KCNT2: variants seen among roughly 807,000 people sequenced by gnomAD.
KCNT2 encodes potassium sodium-activated channel subfamily T member 2.
A neutral mutation model predicts 153.8 loss-of-function variants in KCNT2; 67 were observed. That is an observed-to-expected ratio of 0.44 (90% CI 0.36 to 0.53). KCNT2 has a LOEUF of 0.53. Among genes scored for constraint, KCNT2 ranks in the 20% least tolerant of loss-of-function variants. KCNT2 has a pLI of 0.00. For synonymous variants in KCNT2, 500 were observed against 458.8 expected (o/e 1.09, Z -1.15); for missense variants, 975 against 1,354.8 (o/e 0.72, Z 4.40).
chr1:196,264,381 T>C (rs527523645), intron 25 of KCNT2, among the ~76,000 whole-genome samples: 1 of 152,242 alleles, frequency 6.6e-6, no homozygotes, highest in Admixed American at 6.5e-5. Flanking sequence ...GTATATACAT[T>C]ACTTCCTGAG....
At chr1:196,298,960 C>T (rs1660926509) in intron 22 of KCNT2, among the ~76,000 whole-genome samples, 1 of 151,614 alleles carries the variant, frequency 6.6e-6, no homozygotes, top group Non-Finnish European at 1.5e-5. Flanking sequence ...TTGCTTCTTA[C>T]ATCAGGTGTA....
chr1:196,570,461 T>A (rs1660649207), intron 1 of KCNT2, among the ~76,000 whole-genome samples: 1 of 152,102 alleles, frequency 6.6e-6, no homozygotes, highest in Admixed American at 6.6e-5. Flanking sequence ...GGGAACCTCA[T>A]CCCAACACTT....
intron 14 of KCNT2, among the ~76,000 whole-genome samples, chr1:196,362,631 A>G (rs1258221313): frequency 6.6e-6 from 1 of 152,082 alleles, no homozygotes; most frequent in East Asian, 1.9e-4. Flanking sequence ...GCTGAGGGAA[A>G]TCCTCCAGTC....
chr1:196,572,862 A>G, intron 1 of KCNT2, among the ~76,000 whole-genome samples: 1 of 152,176 alleles, frequency 6.6e-6, no homozygotes, highest in South Asian at 2.1e-4. Flanking sequence ...TTGTTTCTTG[A>G]TGCATGATGA....
chr1:196,408,154 C>A (rs776557902), intron 12 of KCNT2, among the ~76,000 whole-genome samples: 45 of 151,536 alleles, frequency 3.0e-4, no homozygotes, highest in Admixed American at 1.4e-3. Flanking sequence ...GAAAAATCAA[C>A]TTCCACAAGC....
intron 1 of KCNT2, among the ~76,000 whole-genome samples, chr1:196,565,176 A>G (rs1214582422): frequency 6.6e-6 from 1 of 151,918 alleles, no homozygotes. Context: ...TAAATGGCCA[A>G]TAGATATATG....
At chr1:196,603,579 G>T (rs972081754) in intron 1 of KCNT2, among the ~76,000 whole-genome samples, 1 of 152,138 alleles carries the variant, frequency 6.6e-6, no homozygotes, top group Non-Finnish European at 1.5e-5. Context: ...CTCTTAAACT[G>T]TTAATGGATT....
chr1:196,453,675 G>A (rs1485632757), intron 8 of KCNT2, among the ~76,000 whole-genome samples: 2 of 151,866 alleles, frequency 1.3e-5, no homozygotes, highest in Non-Finnish European at 2.9e-5. Flanking sequence ...CATCCAATGG[G>A]GGGATAATTC....
intron 1 of KCNT2, among the ~76,000 whole-genome samples, chr1:196,529,188 C>T (rs907246713): frequency 6.6e-6 from 1 of 151,866 alleles, no homozygotes; most frequent in African/African-American, 2.4e-5. Context: ...GAGAGTTTTC[C>T]GAAATGTGTG....
chr1:196,493,547 G>A (rs1680020401), intron 1 of KCNT2, among the ~76,000 whole-genome samples: 1 of 151,860 alleles, frequency 6.6e-6, no homozygotes, highest in African/African-American at 2.4e-5. Context: ...AAAGCAACAG[G>A]GCATTTTTTT....
intron 1 of KCNT2, among the ~76,000 whole-genome samples, chr1:196,546,665 A>G (rs1657141757): frequency 6.6e-6 from 1 of 152,096 alleles, no homozygotes; most frequent in Non-Finnish European, 1.5e-5. Flanking sequence ...AGTTGTTACA[A>G]AACCTATTCT....
At chr1:196,455,682 T>A (rs1016021464) in intron 8 of KCNT2, among the ~76,000 whole-genome samples, 4 of 152,016 alleles carry the variant, frequency 2.6e-5, no homozygotes, top group African/African-American at 9.7e-5. Flanking sequence ...CTATCTAGAT[T>A]ATTATTTGTT....
At chr1:196,556,949 G>A (rs1308885576) in intron 1 of KCNT2, among the ~76,000 whole-genome samples, 1 of 151,212 alleles carries the variant, frequency 6.6e-6, no homozygotes, top group Admixed American at 6.6e-5. Context: ...AACTCATGGA[G>A]AAAAAGAATG....
intron 8 of KCNT2, among the ~76,000 whole-genome samples, chr1:196,463,334 C>T (rs530508425): frequency 4.0e-5 from 6 of 151,596 alleles, no homozygotes; most frequent in South Asian, 2.1e-4. Flanking sequence ...GAAACTTATT[C>T]GATTTTATGA....
chr1:196,388,339 C>A (rs766701075), intron 13 of KCNT2, among the ~76,000 whole-genome samples: 1 of 151,606 alleles, frequency 6.6e-6, no homozygotes, highest in East Asian at 1.9e-4. Context: ...AGAGGTACTA[C>A]GGATATTCTG....
intron 22 of KCNT2, among the ~76,000 whole-genome samples, chr1:196,296,944 T>A (rs1660725612): frequency 6.6e-6 from 1 of 151,996 alleles, no homozygotes; most frequent in Non-Finnish European, 1.5e-5. Context: ...AAGAAAAAAA[T>A]CATTGGTTTC....
intron 8 of KCNT2, among the ~76,000 whole-genome samples, chr1:196,437,297 TATAA>T (rs1406817422): frequency 1.5e-5 from 2 of 133,238 alleles, no homozygotes; most frequent in African/African-American, 5.5e-5. Context: ...ATATAATATA[TATAA>T]ATATATTTAT....
At chr1:196,236,217 G>T in intron 26 of KCNT2, 147 bp from the exon 27 acceptor site, 1 of 584,182 alleles carries the variant, frequency 1.7e-6, no homozygotes, top group South Asian at 2.1e-5. Flanking sequence ...CATAAGTTTG[G>T]CTATTTTCAA....
intron 14 of KCNT2, among the ~76,000 whole-genome samples, chr1:196,343,715 G>C (rs1405970697): frequency 2.0e-5 from 3 of 152,084 alleles, no homozygotes; most frequent in Non-Finnish European, 4.4e-5. Flanking sequence ...CCTGGAGTTT[G>C]ATTGTCTAAT....
Sources: gnomAD v4.1 joint callset for allele counts (sites outside exome capture counted in the v4.1 genomes callset) on GRCh38, gnomAD v4.1.1 for gene constraint, MANE v1.5 for transcripts, NCBI Gene and HGNC (gene_info 2026-07-23, HGNC 2026-07-21) for gene names.